The following MIA2 variants were observed in gnomAD, a reference collection of about 807,000 sequenced individuals.
MIA2 encodes MIA SH3 domain ER export factor 2, also known as melanoma inhibitory activity protein 2.
MIA2 carries 127 observed loss-of-function variants against 167.8 expected under a neutral mutation model. The ratio of observed to expected loss-of-function variants is 0.76; its 90% CI spans 0.66 to 0.88. The LOEUF (loss-of-function observed/expected upper bound fraction) is 0.88, where lower values mean the gene tolerates loss of function less well. Among genes scored for constraint, MIA2 ranks in the 40% least tolerant of loss-of-function variants. The probability of loss-of-function intolerance (pLI) is 0.00; values close to 1 mark genes in which losing one functional copy is unlikely to be tolerated. For synonymous variants in MIA2, 552 were observed against 541.9 expected, an observed-to-expected ratio of 1.02 and a Z score of -0.26; for missense variants, 1,690 against 1,624.7, an observed-to-expected ratio of 1.04 and a Z score of -0.69.
chr14:39,259,883 G>T (rs532167598), intron 6 of MIA2, among the ~76,000 whole-genome samples: 1 of 151,738 alleles, frequency 6.6e-6, no homozygotes, highest in African/African-American at 2.4e-5. Context: ...GACAGGCCCC[G>T]GTGTGTGATG....
At chr14:39,356,138 C>T (rs570411655), downstream of MIA2, among the ~76,000 whole-genome samples, 34 of 152,246 alleles carry the variant, frequency 2.2e-4, no homozygotes, top group Admixed American at 7.2e-4. Context: ...GTACCAGCTC[C>T]TCCTTGTACC....
intron 23 of MIA2, among the ~76,000 whole-genome samples, chr14:39,359,400 A>G (rs1415478895): frequency 6.6e-6 from 1 of 152,200 alleles, no homozygotes; most frequent in African/African-American, 2.4e-5. Context: ...GACCGTTGGA[A>G]AAACGCAGTA....
At chr14:39,261,433 A>T (rs1213561435) in intron 6 of MIA2, among the ~76,000 whole-genome samples, 1 of 152,192 alleles carries the variant, frequency 6.6e-6, no homozygotes, top group Non-Finnish European at 1.5e-5. Context: ...TAATGTGAAT[A>T]GTGCTGCAAT....
chr14:39,313,312 G>C (rs202068778), intron 18 of MIA2, 28 bp from the exon 19 acceptor site: 15 of 1,214,570 alleles, frequency 1.2e-5, no homozygotes, highest in South Asian at 2.6e-5. Context: ...CATGTATTAA[G>C]AGAATTATAA....
chr14:39,338,467 C>T lies in MIA2; in HGVS notation c.3656-7437C>T, dbSNP rs142154010. On this transcript the variant is annotated intron_variant, in intron 25 of 28. Transcript: ENST00000640607. ...AATTTGAGCACAGTGATATAACTAA[C>T]ACTCAGATAAAGGGATAGTTTTCAG... 5.6e-3 allele frequency among the ~76,000 whole-genome samples: 851 copies of T among 152,062 alleles called. 5 individuals are homozygous for T. The highest frequency in any genetic ancestry group is 0.015 in the African/African-American group (630 of 41,484).
intron 23 of MIA2, among the ~76,000 whole-genome samples, chr14:39,362,790 A>T (rs1469212130): frequency 2.6e-5 from 4 of 151,944 alleles, no homozygotes; most frequent in African/African-American, 7.3e-5. Context: ...AAATTTTCCT[A>T]CTACTTTTAT....
At chr14:39,273,116 C>G (rs981660967) in intron 6 of MIA2, among the ~76,000 whole-genome samples, 2 of 152,080 alleles carry the variant, frequency 1.3e-5, no homozygotes, top group African/African-American at 4.8e-5. Context: ...TTCTTCCTTT[C>G]CAGTCTGGAT....
intron 13 of MIA2, among the ~76,000 whole-genome samples, chr14:39,295,323 G>A (rs149249170): frequency 1.2e-3 from 183 of 152,226 alleles, no homozygotes; most frequent in African/African-American, 4.0e-3. Context: ...ATATGAGTGA[G>A]GATTATTGAA....
chr14:39,363,079 T>C (rs2074726203), intron 23 of MIA2, among the ~76,000 whole-genome samples: 3 of 152,352 alleles, frequency 2.0e-5, no homozygotes, highest in Admixed American at 6.5e-5. Flanking sequence ...TGATAAGATA[T>C]TTGGTATAGT....
chr14:39,368,962 G>C (rs895831648), intron 23 of MIA2, among the ~76,000 whole-genome samples: 4 of 151,902 alleles, frequency 2.6e-5, no homozygotes, highest in African/African-American at 7.3e-5. Flanking sequence ...GTTTCCTCTG[G>C]AGTTAATAAT....
intron 27 of MIA2, among the ~76,000 whole-genome samples, chr14:39,348,028 G>T (rs1213742116): frequency 6.6e-6 from 1 of 151,980 alleles, no homozygotes; most frequent in East Asian, 1.9e-4. Context: ...GGCGAGGCTG[G>T]TCTTGAAGTC....
chr14:39,374,477 G>T (rs890208489), intron 23 of MIA2, among the ~76,000 whole-genome samples: 1 of 152,196 alleles, frequency 6.6e-6, no homozygotes, highest in Non-Finnish European at 1.5e-5. Flanking sequence ...GAACAGATAT[G>T]ATGATGGCTA....
At chr14:39,297,362 G>T (rs1253268459) in intron 13 of MIA2, among the ~76,000 whole-genome samples, 6 of 152,192 alleles carry the variant, frequency 3.9e-5, no homozygotes, top group Non-Finnish European at 8.8e-5. Flanking sequence ...AAAGTGCTGG[G>T]ATTACACGCA....
At chr14:39,359,787 A>C (rs2074632477) in intron 23 of MIA2, among the ~76,000 whole-genome samples, 1 of 152,186 alleles carries the variant, frequency 6.6e-6, no homozygotes, top group Admixed American at 6.5e-5. Flanking sequence ...TGCTGTGATA[A>C]ACACACAAGT....
chr14:39,278,485 A>G (rs756920571), intron 7 of MIA2, among the ~76,000 whole-genome samples: 4 of 152,084 alleles, frequency 2.6e-5, no homozygotes, highest in Non-Finnish European at 4.4e-5. Flanking sequence ...ATCTCTATCC[A>G]TATTCTGTAG....
chr14:39,333,860 G>A (rs1483111808), intron 25 of MIA2, among the ~76,000 whole-genome samples: 2 of 152,122 alleles, frequency 1.3e-5, no homozygotes, highest in Admixed American at 6.5e-5. Flanking sequence ...CTTCTAAATT[G>A]ATACCTTCAT....
chr14:39,322,485 G>A (rs965014988), intron 24 of MIA2, among the ~76,000 whole-genome samples: 15 of 149,908 alleles, frequency 1.0e-4, no homozygotes, highest in African/African-American at 3.7e-4. Context: ...AGATTGCAGT[G>A]AGCCGAGATA....
At chr14:39,349,952 A>T (rs2139174483) in intron 28 of MIA2, 146 bp from the exon 29 acceptor site, 4 of 437,502 alleles carry the variant, frequency 9.1e-6, no homozygotes, top group South Asian at 1.6e-4. Context: ...CTCAATGTAA[A>T]AATTAATTTG....
chr14:39,264,186 G>A (rs182110141), intron 6 of MIA2, among the ~76,000 whole-genome samples: 2 of 152,136 alleles, frequency 1.3e-5, no homozygotes, highest in African/African-American at 2.4e-5. Flanking sequence ...ACTTATAAGT[G>A]AGAACATGTG....
Sources: gnomAD v4.1 joint callset for allele counts (sites outside exome capture counted in the v4.1 genomes callset) on GRCh38, gnomAD v4.1.1 for gene constraint, MANE v1.5 for transcripts, NCBI Gene and HGNC (gene_info 2026-07-23, HGNC 2026-07-21) for gene names.